Variants in TRIQK observed in about 807,000 individuals in gnomAD.
TRIQK encodes the protein triple QxxK/R motif containing.
In TRIQK, 10 loss-of-function variants were observed where a neutral mutation model predicts 10.8. The ratio of observed to expected loss-of-function variants is 0.92; its 90% CI spans 0.57 to 1.57. The LOEUF is 1.57. Among genes scored for constraint, TRIQK ranks in the 40% most tolerant of loss-of-function variants. TRIQK has a pLI of 0.00. For missense variants in TRIQK, 107 were observed against 97.7 expected, an observed-to-expected ratio of 1.09 and a Z score of -0.40; for synonymous variants, 33 against 33.7, an observed-to-expected ratio of 0.98 and a Z score of 0.07.
intron 2 of TRIQK, among the ~76,000 whole-genome samples, chr8:92,924,721 A>C (rs998531988): frequency 2.0e-5 from 3 of 151,960 alleles, no homozygotes; most frequent in Non-Finnish European, 4.4e-5. Flanking sequence ...CAGTATTATA[A>C]GTAATATTAA....
At chr8:92,902,555 G>A (rs1442992347) in intron 3 of TRIQK, among the ~76,000 whole-genome samples, 2 of 152,102 alleles carry the variant, frequency 1.3e-5, no homozygotes, top group Non-Finnish European at 2.9e-5. Flanking sequence ...CGGTTCACCT[G>A]TTTTTTGCTT....
At chr8:92,947,027 A>C (rs2130639879) in intron 2 of TRIQK, among the ~76,000 whole-genome samples, 1 of 151,710 alleles carries the variant, frequency 6.6e-6, no homozygotes, top group African/African-American at 2.4e-5. Flanking sequence ...GGCCTCCCAA[A>C]GTGCTGGGAT....
intron 3 of TRIQK, among the ~76,000 whole-genome samples, chr8:92,906,550 A>G (rs759810028): frequency 3.3e-5 from 5 of 152,080 alleles, no homozygotes; most frequent in Non-Finnish European, 7.4e-5. Flanking sequence ...GATAGCCTGA[A>G]CCTATATTTC....
chr8:92,902,355 A>C (rs1808987496), intron 3 of TRIQK, among the ~76,000 whole-genome samples: 1 of 152,150 alleles, frequency 6.6e-6, no homozygotes, highest in Non-Finnish European at 1.5e-5. Context: ...CCACTGTGAC[A>C]GGGCAGCACT....
intron 3 of TRIQK, among the ~76,000 whole-genome samples, chr8:92,912,293 C>T (rs1323360216): frequency 6.6e-6 from 1 of 151,420 alleles, no homozygotes; most frequent in African/African-American, 2.4e-5. Flanking sequence ...TTCACGAATA[C>T]ATGAAAAGTA....
intron 1 of TRIQK, among the ~76,000 whole-genome samples, chr8:92,982,617 A>T (rs1430151605): frequency 1.3e-5 from 2 of 151,960 alleles, no homozygotes; most frequent in East Asian, 3.9e-4. Context: ...AAATCAGAAA[A>T]TATTTTGCTA....
chr8:92,902,618 G>C (rs901830543), intron 3 of TRIQK, among the ~76,000 whole-genome samples: 2 of 151,980 alleles, frequency 1.3e-5, no homozygotes, highest in African/African-American at 2.4e-5. Flanking sequence ...GTGTTCCTGT[G>C]GGGGGATGAT....
intron 3 of TRIQK, among the ~76,000 whole-genome samples, chr8:92,897,472 C>A (rs1808671861): frequency 6.6e-6 from 1 of 152,140 alleles, no homozygotes; most frequent in African/African-American, 2.4e-5. Context: ...GCTCTGCCCT[C>A]ATGAATGAAT....
At position 92,886,743 on chromosome 8, in the gene TRIQK, G is replaced by A. The variant is rs557619603; in HGVS notation, c.148-8C>T. 1.4e-5 allele frequency: 19 copies of A among 1,407,118 alleles called. No individual in the cohort carries two copies. The highest frequency in any genetic ancestry group is 1.8e-4 in the Middle Eastern group (1 of 5,568). The allele number at this position is 1,407,118 out of a possible 1,614,324, so 87.2% of individuals were successfully genotyped here. A position where few individuals can be genotyped will look rare whatever the true frequency, so the allele number is the denominator to read the frequency against. On this transcript the variant is annotated splice_region_variant and splice_polypyrimidine_tract_variant and intron_variant, in intron 4 of 4. Coordinates refer to ENST00000521988, the MANE Select transcript of TRIQK (RefSeq NM_001171797.2). ...AAGTACAAGGCCAACTTCCTGGGAA[G>A]AAAAAAAAAGTAGACTTGAAATTGA...
At chr8:92,948,752 A>G (rs1811680031) in intron 2 of TRIQK, among the ~76,000 whole-genome samples, 2 of 152,248 alleles carry the variant, frequency 1.3e-5, no homozygotes, top group Non-Finnish European at 2.9e-5. Context: ...TCCAAAAGAC[A>G]ATTATGTTAA....
intron 3 of TRIQK, among the ~76,000 whole-genome samples, chr8:92,901,509 G>C (rs901741035): frequency 6.6e-6 from 1 of 151,960 alleles, no homozygotes; most frequent in African/African-American, 2.4e-5. Flanking sequence ...ATGATCATAG[G>C]GTTTTTGTCC....
chr8:92,985,743 T>G (rs1813024942), intron 1 of TRIQK, among the ~76,000 whole-genome samples: 1 of 152,164 alleles, frequency 6.6e-6, no homozygotes, highest in Admixed American at 6.5e-5. Flanking sequence ...ATGTAATTGT[T>G]GTTAAAAAAC....
At chr8:93,017,151 GAGAGAGAGAGAGA>G (rs1813392570) in intron 1 of TRIQK, among the ~76,000 whole-genome samples, 1 of 102,148 alleles carries the variant, frequency 9.8e-6, no homozygotes, top group Non-Finnish European at 2.1e-5. Flanking sequence ...GAGAGAGAGA[GAGAGAGAGAGAGA>G]GAGATGGACC....
chr8:93,005,614 A>G (rs187587820), intron 1 of TRIQK, among the ~76,000 whole-genome samples: 2 of 152,336 alleles, frequency 1.3e-5, no homozygotes, highest in East Asian at 3.9e-4. Flanking sequence ...ACATCCCTTC[A>G]CAATAAAATC....
At chr8:93,010,269 T>C (rs1481408514) in intron 1 of TRIQK, among the ~76,000 whole-genome samples, 1 of 152,174 alleles carries the variant, frequency 6.6e-6, no homozygotes, top group Admixed American at 6.6e-5. Flanking sequence ...GGATTTTGAA[T>C]GATCTCACTA....
chr8:92,945,710 G>T (rs1327250491), intron 2 of TRIQK, among the ~76,000 whole-genome samples: 2 of 152,148 alleles, frequency 1.3e-5, no homozygotes, highest in East Asian at 1.9e-4. Flanking sequence ...TTATATGCAT[G>T]TGCAGGCATG....
At chr8:92,922,184 T>C (rs1810226717) in intron 2 of TRIQK, 2 of 151,792 alleles carry the variant, frequency 1.3e-5, no homozygotes, top group Admixed American at 1.3e-4. Flanking sequence ...ATAGTCTTAC[T>C]TCTTATAATT....
At chr8:92,931,303 A>C (rs939754650) in intron 2 of TRIQK, among the ~76,000 whole-genome samples, 5 of 152,226 alleles carry the variant, frequency 3.3e-5, no homozygotes, top group African/African-American at 1.2e-4. Flanking sequence ...CATTGAAACA[A>C]AACGTGAACC....
At chr8:92,972,406 C>A (rs1474504081) in intron 1 of TRIQK, among the ~76,000 whole-genome samples, 1 of 151,764 alleles carries the variant, frequency 6.6e-6, no homozygotes, top group East Asian at 1.9e-4. Context: ...TCTAATGGTT[C>A]TTTAGCTATA....
Sources: gnomAD v4.1 joint callset for allele counts (sites outside exome capture counted in the v4.1 genomes callset) on GRCh38, gnomAD v4.1.1 for gene constraint, MANE v1.5 for transcripts, NCBI Gene and HGNC (gene_info 2026-07-23, HGNC 2026-07-21) for gene names.